GAS7: variants seen among roughly 807,000 people sequenced by gnomAD.
GAS7 encodes growth arrest-specific protein 7.
A neutral mutation model predicts 71.1 loss-of-function variants in GAS7; 28 were observed. The ratio of observed to expected loss-of-function variants is 0.39; its 90% CI spans 0.29 to 0.54. GAS7 has a LOEUF of 0.54. Among genes scored for constraint, GAS7 ranks in the 20% least tolerant of loss-of-function variants. The pLI is 0.62. For synonymous variants in GAS7, 258 were observed against 245.8 expected (o/e 1.05, Z -0.46); for missense variants, 436 against 627.8 (o/e 0.69, Z 3.27).
At chr17:9,998,371 T>A (rs779217446) in intron 2 of GAS7, among the ~76,000 whole-genome samples, 5 of 152,242 alleles carry the variant, frequency 3.3e-5, no homozygotes, top group Non-Finnish European at 5.9e-5. Flanking sequence ...CTACTGGACC[T>A]GCCAAGAGTT....
At chr17:10,110,106 A>G (rs2073796879) in intron 1 of GAS7, among the ~76,000 whole-genome samples, 1 of 151,806 alleles carries the variant, frequency 6.6e-6, no homozygotes, top group South Asian at 2.1e-4. Flanking sequence ...TCACACGTTT[A>G]CTGCAGCATG....
intron 1 of GAS7, among the ~76,000 whole-genome samples, chr17:10,143,566 C>A (rs7210889): frequency 1.3e-5 from 2 of 148,926 alleles, no homozygotes; most frequent in African/African-American, 2.5e-5. Flanking sequence ...AAAAATTGGA[C>A]ATAAAGGTAA....
At chr17:10,077,076 A>G (rs2073402811) in intron 1 of GAS7, among the ~76,000 whole-genome samples, 1 of 152,192 alleles carries the variant, frequency 6.6e-6, no homozygotes. Context: ...CTGTCTTGTG[A>G]AGATCCCATG....
At chr17:10,075,386 T>TGG (rs1236283130) in intron 1 of GAS7, among the ~76,000 whole-genome samples, 1 of 151,210 alleles carries the variant, frequency 6.6e-6, no homozygotes, top group African/African-American at 2.4e-5. Context: ...GAAATTAAAA[T>TGG]AAACTTCATA....
At chr17:10,105,926 C>T (rs945798528) in intron 1 of GAS7, among the ~76,000 whole-genome samples, 2 of 152,154 alleles carry the variant, frequency 1.3e-5, no homozygotes, top group African/African-American at 4.8e-5. Flanking sequence ...GACTGCCAGA[C>T]CTTGCCATGT....
At chr17:10,045,676 G>A (rs918843229) in intron 1 of GAS7, among the ~76,000 whole-genome samples, 6 of 152,170 alleles carry the variant, frequency 3.9e-5, no homozygotes, top group Admixed American at 3.3e-4. Context: ...CAGCCTAGGC[G>A]ACAGAGTGAG....
At chr17:10,098,761 C>T (rs1365086548) in intron 1 of GAS7, among the ~76,000 whole-genome samples, 1 of 152,088 alleles carries the variant, frequency 6.6e-6, no homozygotes, top group Non-Finnish European at 1.5e-5. Flanking sequence ...AGATCCAGAC[C>T]ATCCTGGCTA....
intron 1 of GAS7, among the ~76,000 whole-genome samples, chr17:10,069,568 G>A (rs901728234): frequency 2.0e-5 from 3 of 152,312 alleles, no homozygotes; most frequent in Admixed American, 1.3e-4. Context: ...AGTCAACTAT[G>A]CCTTAGAGAC....
intron 8 of GAS7, among the ~76,000 whole-genome samples, chr17:9,939,898 C>T (rs560732925): frequency 2.6e-5 from 4 of 152,258 alleles, no homozygotes; most frequent in East Asian, 3.9e-4. Flanking sequence ...GTGAGCCACC[C>T]GCCCGGCTGG....
chr17:10,053,333 C>T (rs934825973), intron 1 of GAS7, among the ~76,000 whole-genome samples: 1 of 152,156 alleles, frequency 6.6e-6, no homozygotes, highest in African/African-American at 2.4e-5. Flanking sequence ...ACTAAAGTAA[C>T]TAAAGCCATT....
At chr17:10,091,836 C>T (rs1017205826) in intron 1 of GAS7, among the ~76,000 whole-genome samples, 7 of 152,044 alleles carry the variant, frequency 4.6e-5, no homozygotes, top group African/African-American at 1.7e-4. Flanking sequence ...CACATGCCAC[C>T]ATATCTGGCT....
At chr17:10,036,730 T>C in intron 1 of GAS7, 1 of 1,251,584 alleles carries the variant, frequency 8.0e-7, no homozygotes, top group Non-Finnish European at 1.0e-6. Flanking sequence ...TTCTGGACTT[T>C]CCAGATGCAA....
In GAS7 at chr17:10,026,121, G is replaced by A. The variant is rs888468831; in HGVS notation, c.184-6224C>T. 1.3e-5 allele frequency: 13 copies of A among 978,518 alleles called. No homozygotes were observed. Among genetic ancestry groups the A allele is most frequent in the East Asian group, 1.1e-4 (1 of 8,766 alleles). The allele number at this position is 978,518 out of a possible 1,614,324, so 60.6% of individuals were successfully genotyped here. A position where few individuals can be genotyped will look rare whatever the true frequency, so the allele number is the denominator to read the frequency against. On this transcript the variant is annotated intron_variant, in intron 1 of 13. Coordinates refer to ENST00000432992, the MANE Select transcript of GAS7 (RefSeq NM_201433.2). This position sits in a 1 kb window ranked among gnomAD's most constrained non-coding sequence, Gnocchi z 4.5. ...CACCTCCGGGACTCTCTCCCCCTCCGGAGGTTTCTGAGAACACCTGACTCT... is the reference window on the plus strand; with the variant it reads ...CACCTCCGGGACTCTCTCCCCCTCCAGAGGTTTCTGAGAACACCTGACTCT...
chr17:10,088,879 C>T (rs2073550755), intron 1 of GAS7, among the ~76,000 whole-genome samples: 2 of 151,980 alleles, frequency 1.3e-5, no homozygotes, highest in Non-Finnish European at 1.5e-5. Flanking sequence ...ATTAGGAGGC[C>T]GGGCATGGTG....
At chr17:9,996,098 C>T (rs2071030140) in intron 2 of GAS7, among the ~76,000 whole-genome samples, 1 of 152,198 alleles carries the variant, frequency 6.6e-6, no homozygotes. Context: ...AGACTATAAC[C>T]ATGCTGCTAT....
At chr17:9,961,412 T>C (rs1402768070) in intron 4 of GAS7, among the ~76,000 whole-genome samples, 1 of 152,140 alleles carries the variant, frequency 6.6e-6, no homozygotes, top group Non-Finnish European at 1.5e-5. Flanking sequence ...AGCAAATACA[T>C]GGCAGGAAGG....
intron 1 of GAS7, among the ~76,000 whole-genome samples, chr17:10,181,291 T>C (rs574608674): frequency 6.7e-6 from 1 of 148,826 alleles, no homozygotes; most frequent in African/African-American, 2.5e-5. Context: ...ACCCAGGAGG[T>C]GGAGATTGCA....
chr17:9,941,000 C>G (rs1487254604), intron 7 of GAS7, among the ~76,000 whole-genome samples: 1 of 152,360 alleles, frequency 6.6e-6, no homozygotes, highest in East Asian at 1.9e-4. Context: ...TGGTCCACCA[C>G]ACGGTGAACA....
In GAS7 at chr17:10,119,828, G is replaced by C. The variant is rs1003325130; in HGVS notation, c.183+78380C>G. On this transcript the variant is annotated intron_variant, in intron 1 of 13. Coordinates refer to ENST00000432992, the MANE Select transcript of GAS7 (RefSeq NM_201433.2). ...TCCTTCAGGCTGTCTTCTCCTGGCA[G>C]TGCTGATCCAAGCACCTGCTGGGCG... Among the ~76,000 whole-genome samples the C allele has an allele frequency of 5.3e-5, 8 of 152,308 alleles. No individual in the cohort carries two copies. The East Asian group carries it at 1.5e-3, about 29-fold the overall frequency.
Sources: gnomAD v4.1 joint callset for allele counts (sites outside exome capture counted in the v4.1 genomes callset) on GRCh38, gnomAD v4.1.1 for gene constraint, Gnocchi (gnomAD v3.1) non-coding constraint, MANE v1.5 for transcripts, NCBI Gene and HGNC (gene_info 2026-07-23, HGNC 2026-07-21) for gene names.